The following ASH1L variants were observed in gnomAD, a reference collection of about 807,000 sequenced individuals.
ASH1L encodes histone-lysine N-methyltransferase ASH1L.
ASH1L carries 23 observed loss-of-function variants against 269.0 expected under a neutral mutation model. The observed-to-expected ratio is 0.09, with a 90% confidence interval of 0.06 to 0.12. The LOEUF is 0.12. Ranked by LOEUF, ASH1L falls within the 10% of genes least tolerant of loss-of-function variation. The probability of loss-of-function intolerance (pLI) is 1.00; values close to 1 mark genes in which losing one functional copy is unlikely to be tolerated. For missense variants in ASH1L, 2,912 were observed against 3,567.8 expected (o/e 0.82, Z 4.68); for synonymous variants, 1,187 against 1,253.5 (o/e 0.95, Z 1.12).
chr1:155,496,966 G>A (rs1233978397), intron 2 of ASH1L, among the ~76,000 whole-genome samples: 4 of 151,870 alleles, frequency 2.6e-5, no homozygotes, highest in Admixed American at 6.6e-5. Context: ...TTTTCTATTC[G>A]GCGTCAGTGA....
intron 6 of ASH1L, among the ~76,000 whole-genome samples, chr1:155,402,145 C>A (rs1263379612): frequency 7.0e-6 from 1 of 143,056 alleles, no homozygotes; most frequent in Non-Finnish European, 1.5e-5. Flanking sequence ...GACTCCGTCT[C>A]AAACAAACAA....
In ASH1L at chr1:155,338,295, T is replaced by C; in HGVS notation, c.8597A>G (p.Gln2866Arg). The change falls in exon 27 of 28, where the codon CAA becomes CGA. Residue 2866 changes from glutamine (Q) to arginine (R), a missense_variant. This residue lies in a region of ASH1L where 154 missense variants were observed against 165.0 expected (regional missense o/e 0.93). Transcript: ENST00000392403. The part of the protein sequence containing the change: ...LPLIEEVLAS[Q>R]EQAANEIPSL... ...GGGTATCTCATTGGCTGCTTGCTCT[T>C]GACTGGCTAGAACCTCTTCAATCAA... 1 of 1,614,102 alleles carries C rather than the reference T, an allele frequency of 6.2e-7. No homozygotes were observed. The highest frequency in any genetic ancestry group is 1.6e-4 in the Middle Eastern group (1 of 6,062).
chr1:155,341,972 G>A lies in ASH1L; in HGVS notation c.8424C>T (p.His2808=), dbSNP rs1231185694. 25 of 1,614,012 alleles carry A rather than the reference G, an allele frequency of 1.5e-5. No homozygotes were observed. The highest frequency in any genetic ancestry group is 2.1e-5 in the Non-Finnish European group (25 of 1,180,002). ...PVCTKPYAFD[H]FPKKLTPKKD... The stretch of plus-strand genomic sequence containing the variant: ...TTTTGGGAGTGAGCTTCTTGGGGAA[G>A]TGATCAAAAGCATAGGGTTTGGTGC... The change falls in exon 25 of 28, where the codon CAC becomes CAT. Residue 2808 remains histidine (H), a synonymous_variant. Coordinates refer to ENST00000392403, the MANE Select transcript of ASH1L (RefSeq NM_018489.3).
intron 5 of ASH1L, among the ~76,000 whole-genome samples, chr1:155,417,246 T>G (rs1660293559): frequency 6.6e-6 from 1 of 151,898 alleles, no homozygotes; most frequent in South Asian, 2.1e-4. Context: ...CCACCTTGCC[T>G]TTCTAAGAAT....
intron 1 of ASH1L, among the ~76,000 whole-genome samples, chr1:155,538,519 G>A (rs1254930552): frequency 2.0e-5 from 3 of 151,448 alleles, no homozygotes; most frequent in East Asian, 1.9e-4. Flanking sequence ...CACCACATCC[G>A]GCTAATTTTT....
chr1:155,410,895 C>T (rs1056994254), intron 6 of ASH1L, among the ~76,000 whole-genome samples: 10 of 151,828 alleles, frequency 6.6e-5, no homozygotes, highest in African/African-American at 1.9e-4. Context: ...CGTGAGCAAT[C>T]GCACCTGGCC....
intron 12 of ASH1L, among the ~76,000 whole-genome samples, chr1:155,362,007 A>C (rs1655000332): frequency 6.6e-6 from 1 of 151,972 alleles, no homozygotes; most frequent in South Asian, 2.1e-4. Context: ...ATTATATGTA[A>C]GGTAATGATC....
chr1:155,414,617 A>G (rs1258480686), intron 6 of ASH1L, among the ~76,000 whole-genome samples: 1 of 152,080 alleles, frequency 6.6e-6, no homozygotes, highest in Non-Finnish European at 1.5e-5. Context: ...CCAAAACCAA[A>G]TATCTTAAAG....
intron 3 of ASH1L, among the ~76,000 whole-genome samples, chr1:155,477,277 CTTTT>C (rs888608238): frequency 4.0e-5 from 6 of 151,890 alleles, no homozygotes; most frequent in Non-Finnish European, 8.8e-5. Context: ...TTCCAGATTT[CTTTT>C]TTTTCTATCT....
At chr1:155,386,983 CTT>C (rs760311702) in intron 7 of ASH1L, among the ~76,000 whole-genome samples, 11 of 143,680 alleles carry the variant, frequency 7.7e-5, no homozygotes, top group Non-Finnish European at 6.1e-5. Context: ...ACAATTAAGT[CTT>C]TTTTTTTTTT....
intron 6 of ASH1L, among the ~76,000 whole-genome samples, chr1:155,409,968 C>A (rs1273722322): frequency 6.6e-6 from 1 of 151,622 alleles, no homozygotes; most frequent in Non-Finnish European, 1.5e-5. Flanking sequence ...GAGTTTGAGA[C>A]CAGCCTGGCC....
intron 1 of ASH1L, among the ~76,000 whole-genome samples, chr1:155,524,441 G>GA (rs1449806726): frequency 6.7e-6 from 1 of 150,238 alleles, no homozygotes; most frequent in African/African-American, 2.4e-5. Context: ...AGAATGGCGT[G>GA]AATCTGGGAG....
Position 155,488,668 on chromosome 1 carries a change from C to CGAA in ASH1L, c.421-6220_421-6219insTTC, listed in dbSNP as rs1666516013. Among the ~76,000 whole-genome samples, 7 of 29,196 alleles carry CGAA rather than the reference C, an allele frequency of 2.4e-4. No homozygotes were observed. In the East Asian group the frequency reaches 5.2e-3, roughly 22 times the overall value. The allele number at this position is 29,196 out of a possible 152,430, so 19.2% of individuals were successfully genotyped here. Reference sequence around the variant, plus strand: ...TGGGCAACAGAGCAAGACTCTGTCACAAAAAAAAAAAAAAAAAAAAAAAAA... The same window carrying CGAA: ...TGGGCAACAGAGCAAGACTCTGTCACGAAAAAAAAAAAAAAAAAAAAAAAAAAA... On this transcript the variant is annotated intron_variant, in intron 2 of 27. Transcript: ENST00000392403.
rs200727871 is a variant in ASH1L, at chr1:155,400,237, AAGG to A, written c.6009-4687_6009-4685del. On this transcript the variant is annotated intron_variant, in intron 6 of 27. Coordinates refer to ENST00000392403, the MANE Select transcript of ASH1L (RefSeq NM_018489.3). Reference sequence around the variant, plus strand: ...AGTCCCAGCTACCTGGGAGGCTGAGAAGGAGAATCGCTTGAATCTAGGAGGCAG... The same window carrying A: ...AGTCCCAGCTACCTGGGAGGCTGAGAAGAATCGCTTGAATCTAGGAGGCAG... 3.7e-3 allele frequency among the ~76,000 whole-genome samples: 568 copies of A among 152,022 alleles called. 5 individuals are homozygous for A. The highest frequency in any genetic ancestry group is 0.013 in the African/African-American group (544 of 41,488).
intron 10 of ASH1L, among the ~76,000 whole-genome samples, chr1:155,376,215 T>C (rs1409992028): frequency 1.3e-5 from 2 of 152,230 alleles, no homozygotes; most frequent in Non-Finnish European, 2.9e-5. Flanking sequence ...TGAACCTGTA[T>C]GTACATAAAA....
intron 1 of ASH1L, among the ~76,000 whole-genome samples, chr1:155,555,200 TAAAA>T (rs1671503041): frequency 6.7e-6 from 1 of 149,354 alleles, no homozygotes; most frequent in Non-Finnish European, 1.5e-5. Context: ...TTCTTCCTCT[TAAAA>T]TTAAACACAC....
At chr1:155,424,877 C>G (rs1038937279) in intron 5 of ASH1L, among the ~76,000 whole-genome samples, 1 of 151,408 alleles carries the variant, frequency 6.6e-6, no homozygotes, top group Non-Finnish European at 1.5e-5. Flanking sequence ...ATGATGTTGG[C>G]TCACTGCAAC....
chr1:155,449,262 A>C (rs1246473052), intron 4 of ASH1L, among the ~76,000 whole-genome samples: 1 of 152,084 alleles, frequency 6.6e-6, no homozygotes, highest in Non-Finnish European at 1.5e-5. Flanking sequence ...TATTCATTTC[A>C]AAGTATTTTC....
At chr1:155,445,479 C>T (rs1558114459) in intron 4 of ASH1L, among the ~76,000 whole-genome samples, 2 of 151,994 alleles carry the variant, frequency 1.3e-5, no homozygotes. Flanking sequence ...GCCACTACAC[C>T]TGGTCTAAAT....
Sources: gnomAD v4.1 joint callset for allele counts (sites outside exome capture counted in the v4.1 genomes callset) on GRCh38, gnomAD v4.1.1 for gene constraint, gnomAD v4.1.1 regional missense constraint, MANE v1.5 for transcripts, NCBI Gene and HGNC (gene_info 2026-07-23, HGNC 2026-07-21) for gene names.